The following WDR7 variants were observed in gnomAD, a reference collection of about 807,000 sequenced individuals.
The protein encoded by WDR7 is WD repeat domain 7.
A neutral mutation model predicts 169.4 loss-of-function variants in WDR7; 46 were observed. The ratio of observed to expected loss-of-function variants is 0.27; its 90% CI spans 0.21 to 0.35. WDR7 has a LOEUF of 0.35. WDR7 is among the 10% of genes least tolerant of loss of function. The pLI, the probability that WDR7 is intolerant of heterozygous loss-of-function variation, is 1.00. For missense variants in WDR7, 1,534 were observed against 1,859.3 expected (o/e 0.83, Z 3.22); for synonymous variants, 612 against 666.8 (o/e 0.92, Z 1.27).
chr18:56,876,705 G>T (rs2046027616), intron 20 of WDR7, among the ~76,000 whole-genome samples: 1 of 152,070 alleles, frequency 6.6e-6, no homozygotes, highest in African/African-American at 2.4e-5. Flanking sequence ...ATACGTGACT[G>T]GCAATGTTAA....
At chr18:56,994,082 C>T (rs923566384) in intron 26 of WDR7, among the ~76,000 whole-genome samples, 2 of 150,756 alleles carry the variant, frequency 1.3e-5, no homozygotes, top group African/African-American at 4.9e-5. Flanking sequence ...GGCAGTGTCA[C>T]CATCTTGGCT....
Position 56,999,230 on chromosome 18 carries a change from A to G in WDR7, c.4165-21515A>G, listed in dbSNP as rs559557327. ...AGTCTTTTCATATTCTACAAAATCC[A>G]TCTGGTTTCTTTGTACTGTGTGTGT... On this transcript the variant is annotated intron_variant, in intron 26 of 27. Transcript: ENST00000254442. Among the ~76,000 whole-genome samples, 4 of 152,316 alleles carry G rather than the reference A, an allele frequency of 2.6e-5. No homozygotes were observed. In the South Asian group the frequency reaches 6.2e-4, roughly 24 times the overall value.
At chr18:56,815,728 C>A (rs369848506) in intron 19 of WDR7, among the ~76,000 whole-genome samples, 9 of 152,294 alleles carry the variant, frequency 5.9e-5, no homozygotes, top group African/African-American at 2.2e-4. Flanking sequence ...GCCAAAGTAA[C>A]TGTAGCAAAA....
chr18:56,675,759 A>C (rs2025231110), intron 2 of WDR7, among the ~76,000 whole-genome samples: 1 of 152,082 alleles, frequency 6.6e-6, no homozygotes, highest in Non-Finnish European at 1.5e-5. Flanking sequence ...AAGTGGCAAG[A>C]GTGGACATCC....
At chr18:57,034,656 C>G (rs1026504566), downstream of WDR7, 4 of 152,064 alleles carry the variant, frequency 2.6e-5, no homozygotes, top group Admixed American at 1.3e-4. Flanking sequence ...GAGGGTACCA[C>G]GTGGCAGGAA....
In WDR7 at chr18:56,696,562, G is replaced by C. The variant is rs552526924; in HGVS notation, c.1578+100G>C. 4.4e-3 allele frequency: 4,525 copies of C among 1,035,350 alleles called. 11 individuals carry two copies. The highest frequency in any genetic ancestry group is 7.6e-3 in the Admixed American group (261 of 34,382). The allele number at this position is 1,035,350 out of a possible 1,614,324, so 64.1% of individuals were successfully genotyped here. A position where few individuals can be genotyped will look rare whatever the true frequency, so the allele number is the denominator to read the frequency against. On this transcript the variant is annotated intron_variant, in intron 12 of 27. Transcript: ENST00000254442. ...ATCTAGACTAACTTAAAGGAAGTGT[G>C]ACAAGATAATTAAGAAAACCCTTTC... is the stretch of plus-strand genomic sequence containing the variant.
chr18:56,983,861 A>AT (rs1282300254), intron 26 of WDR7, among the ~76,000 whole-genome samples: 1 of 152,206 alleles, frequency 6.6e-6, no homozygotes, highest in Non-Finnish European at 1.5e-5. Context: ...TTAAAATGCT[A>AT]TAAGGGATCA....
chr18:56,701,672 A>G (rs918330862), intron 12 of WDR7, among the ~76,000 whole-genome samples: 1 of 152,212 alleles, frequency 6.6e-6, no homozygotes, highest in Non-Finnish European at 1.5e-5. Context: ...AAAAACAGCT[A>G]AAATTTAAAC....
chr18:57,007,873 T>C (rs1409104935), intron 26 of WDR7, among the ~76,000 whole-genome samples: 2 of 152,112 alleles, frequency 1.3e-5, no homozygotes, highest in Admixed American at 6.5e-5. Context: ...ACCATTTACA[T>C]TGGATTTTTT....
At chr18:57,016,772 G>C (rs1265720401) in intron 26 of WDR7, among the ~76,000 whole-genome samples, 1 of 152,100 alleles carries the variant, frequency 6.6e-6, no homozygotes. Context: ...ATGAGAAAAA[G>C]GGGTGGGGGT....
At chr18:56,970,518 C>T (rs73444857) in intron 26 of WDR7, among the ~76,000 whole-genome samples, 6,783 of 152,192 alleles carry the variant, frequency 0.045, 453 homozygotes, top group African/African-American at 0.15. Context: ...ATTTAACATA[C>T]TTTTTTAGAA....
intron 14 of WDR7, among the ~76,000 whole-genome samples, chr18:56,745,721 T>G (rs2043692007): frequency 6.6e-6 from 1 of 152,138 alleles, no homozygotes; most frequent in Admixed American, 6.5e-5. Context: ...TCTAGAAAAT[T>G]AGTCACATGC....
intron 21 of WDR7, among the ~76,000 whole-genome samples, chr18:56,888,186 G>A (rs1021707578): frequency 2.6e-5 from 4 of 152,192 alleles, no homozygotes; most frequent in East Asian, 3.8e-4. Flanking sequence ...ACACTGATGC[G>A]TAATTCAAAA....
intron 1 of WDR7, 95 bp downstream of exon 1, chr18:56,651,671 C>G (rs902345477): frequency 4.6e-5 from 7 of 152,504 alleles, no homozygotes; most frequent in African/African-American, 1.4e-4. Context: ...GTCACAAACC[C>G]GCTCTAGCCG....
At chr18:56,812,959 T>C in intron 19 of WDR7, among the ~76,000 whole-genome samples, 1 of 142,056 alleles carries the variant, frequency 7.0e-6, no homozygotes. Flanking sequence ...TGACACTTAA[T>C]CATAGGTGGG....
At chr18:56,733,798 A>AT (rs538171278) in intron 14 of WDR7, among the ~76,000 whole-genome samples, 2 of 151,938 alleles carry the variant, frequency 1.3e-5, no homozygotes, top group African/African-American at 2.4e-5. Flanking sequence ...TATGACATGT[A>AT]TTTTTTTCTT....
At chr18:56,691,168 T>A (rs1353244059) in intron 7 of WDR7, 48 bp from the exon 8 acceptor site, 1 of 1,560,918 alleles carries the variant, frequency 6.4e-7, no homozygotes, top group East Asian at 2.4e-5. Context: ...TGGATCTTAC[T>A]TTTTACAACA....
intron 14 of WDR7, among the ~76,000 whole-genome samples, chr18:56,751,433 A>G (rs961020315): frequency 2.6e-5 from 4 of 152,176 alleles, no homozygotes; most frequent in South Asian, 2.1e-4. Flanking sequence ...TTTGGTAGTA[A>G]TGGTCTTTAT....
At chr18:56,713,995 T>G (rs1028498838) in intron 12 of WDR7, among the ~76,000 whole-genome samples, 1 of 152,250 alleles carries the variant, frequency 6.6e-6, no homozygotes, top group Non-Finnish European at 1.5e-5. Context: ...TATGAAATGT[T>G]GCTTGAATAG....
Sources: gnomAD v4.1 joint callset for allele counts (sites outside exome capture counted in the v4.1 genomes callset) on GRCh38, gnomAD v4.1.1 for gene constraint, MANE v1.5 for transcripts, NCBI Gene and HGNC (gene_info 2026-07-23, HGNC 2026-07-21) for gene names.